CBFB: variants seen among roughly 807,000 people sequenced by gnomAD.
The protein encoded by CBFB is core-binding factor subunit beta.
CBFB carries 9 observed loss-of-function variants against 30.4 expected under a neutral mutation model. That is an observed-to-expected ratio of 0.30 (90% CI 0.18 to 0.52). CBFB has a LOEUF of 0.52. Among genes scored for constraint, CBFB ranks in the 20% least tolerant of loss-of-function variants. CBFB has a pLI of 0.97. For synonymous variants in CBFB, 94 were observed against 84.0 expected (o/e 1.12, Z -0.65); for missense variants, 170 against 244.0 (o/e 0.70, Z 2.02).
At position 67,099,409 on chromosome 16, in the gene CBFB, A is replaced by G. The variant is rs1203412237; in HGVS notation, c.*631A>G. 4.6e-6 allele frequency: 1 copy of G among 217,394 alleles called. No homozygotes were observed. 13.5% of individuals were successfully genotyped at this position (217,394 alleles called of 1,614,324 possible). On this transcript the variant is annotated 3_prime_UTR_variant, in exon 6 of 6. Coordinates refer to ENST00000412916, the MANE Select transcript of CBFB (RefSeq NM_022845.3). ...AGTATCCTTTTAAATGCTAGTAATC[A>G]GCACTCTTTCTTTTTTTTTTTTTTA...
chr16:67,100,059 A>G lies in CBFB; in HGVS notation c.*1281A>G, dbSNP rs758477744. 2 of 212,778 alleles carry G rather than the reference A, an allele frequency of 9.4e-6. No individual in the cohort carries two copies. Among genetic ancestry groups the G allele is most frequent in the Non-Finnish European group, 1.9e-5 (2 of 105,066 alleles). The allele number at this position is 212,778 out of a possible 1,614,324, so 13.2% of individuals were successfully genotyped here. ...ATTTTTTAAATAGGCTTACTGTCAA[A>G]TTGCAACTTTTTTTTTAGATACAGA... is the stretch of plus-strand genomic sequence containing the variant. On this transcript the variant is annotated 3_prime_UTR_variant, in exon 6 of 6. Transcript: ENST00000412916.
At chr16:67,089,073 A>G (rs1489544546) in intron 5 of CBFB, among the ~76,000 whole-genome samples, 1 of 152,232 alleles carries the variant, frequency 6.6e-6, no homozygotes, top group Non-Finnish European at 1.5e-5. Context: ...TTTTTCTGGA[A>G]CAGCCTATTT....
At chr16:67,065,106 C>T (rs537962787) in intron 3 of CBFB, among the ~76,000 whole-genome samples, 1 of 152,218 alleles carries the variant, frequency 6.6e-6, no homozygotes, top group African/African-American at 2.4e-5. Flanking sequence ...GCCATGTTGG[C>T]CAGGCTGGTC....
At chr16:67,030,918 C>T (rs990953339) in intron 2 of CBFB, among the ~76,000 whole-genome samples, 2 of 152,126 alleles carry the variant, frequency 1.3e-5, no homozygotes, top group African/African-American at 4.8e-5. Context: ...AAAGTTGAAG[C>T]ACTGTCTAAT....
intron 3 of CBFB, among the ~76,000 whole-genome samples, chr16:67,039,346 A>G (rs1392889077): frequency 6.6e-6 from 1 of 152,238 alleles, no homozygotes; most frequent in Non-Finnish European, 1.5e-5. Context: ...ATACCTGTAT[A>G]GGGCACTTAC....
At chr16:67,076,547 A>G (rs1234900135) in intron 4 of CBFB, among the ~76,000 whole-genome samples, 1 of 152,232 alleles carries the variant, frequency 6.6e-6, no homozygotes, top group Non-Finnish European at 1.5e-5. Context: ...GGTAATAAAT[A>G]ATAGGAAAGC....
At chr16:67,046,379 G>A (rs1011848897) in intron 3 of CBFB, among the ~76,000 whole-genome samples, 2 of 152,182 alleles carry the variant, frequency 1.3e-5, no homozygotes, top group Admixed American at 6.5e-5. Context: ...GGGATTACAG[G>A]CATGTACCCA....
chr16:67,076,836 T>C (rs983475229), intron 4 of CBFB, among the ~76,000 whole-genome samples: 18 of 152,168 alleles, frequency 1.2e-4, no homozygotes, highest in African/African-American at 4.3e-4. Flanking sequence ...TTGTAGGAAC[T>C]AGGTTGGTTT....
chr16:67,082,473 T>A, intron 5 of CBFB, 165 bp downstream of exon 5: 1 of 676,322 alleles, frequency 1.5e-6, no homozygotes, highest in Non-Finnish European at 2.3e-6. Context: ...GTAATTGCTA[T>A]AAAGAAATTT....
chr16:67,050,539 A>G (rs1312572146), intron 3 of CBFB, among the ~76,000 whole-genome samples: 3 of 152,118 alleles, frequency 2.0e-5, no homozygotes, highest in Non-Finnish European at 4.4e-5. Context: ...TCACAGCTAT[A>G]ATCTCAATGT....
intron 5 of CBFB, among the ~76,000 whole-genome samples, chr16:67,098,094 T>C (rs902870791): frequency 1.3e-5 from 2 of 151,640 alleles, no homozygotes; most frequent in Non-Finnish European, 2.9e-5. Flanking sequence ...AAACTGTAAA[T>C]ATAGATTTGT....
chr16:67,054,872 C>T (rs1353852585), intron 3 of CBFB, among the ~76,000 whole-genome samples: 2 of 152,110 alleles, frequency 1.3e-5, no homozygotes, highest in African/African-American at 4.8e-5. Context: ...CCTGCCTCAG[C>T]CTCCCACGCG....
intron 3 of CBFB, among the ~76,000 whole-genome samples, chr16:67,042,670 A>G (rs1321604510): frequency 6.6e-6 from 1 of 152,204 alleles, no homozygotes; most frequent in African/African-American, 2.4e-5. Context: ...GCCTGTTGGT[A>G]GGTGGCTTCA....
At chr16:67,039,228 G>A (rs955538326) in intron 3 of CBFB, among the ~76,000 whole-genome samples, 35 of 152,116 alleles carry the variant, frequency 2.3e-4, no homozygotes, top group African/African-American at 8.0e-4. Flanking sequence ...GCATGTTACC[G>A]TACTGAATAC....
At chr16:67,049,062 C>A (rs1966689027) in intron 3 of CBFB, among the ~76,000 whole-genome samples, 1 of 151,966 alleles carries the variant, frequency 6.6e-6, no homozygotes, top group East Asian at 1.9e-4. Flanking sequence ...CTCAGGTGAT[C>A]TACCCACCTC....
intron 3 of CBFB, among the ~76,000 whole-genome samples, chr16:67,057,547 CCT>C (rs1334149802): frequency 2.0e-5 from 3 of 152,118 alleles, no homozygotes; most frequent in African/African-American, 7.2e-5. Flanking sequence ...TTACCCTCCC[CCT>C]GACAATGTAA....
intron 3 of CBFB, among the ~76,000 whole-genome samples, chr16:67,043,241 C>G (rs971580640): frequency 1.3e-5 from 2 of 152,194 alleles, no homozygotes; most frequent in Non-Finnish European, 2.9e-5. Flanking sequence ...TACAATAATA[C>G]TCACTTAAAT....
intron 5 of CBFB, among the ~76,000 whole-genome samples, chr16:67,096,704 G>A (rs1315245562): frequency 2.0e-5 from 3 of 151,972 alleles, no homozygotes; most frequent in African/African-American, 7.3e-5. Flanking sequence ...GCCGGGCGCG[G>A]TGGCTCACTC....
chr16:67,064,178 G>A (rs900529220), intron 3 of CBFB, among the ~76,000 whole-genome samples: 1 of 152,114 alleles, frequency 6.6e-6, no homozygotes, highest in Non-Finnish European at 1.5e-5. Context: ...TGTTAAACAA[G>A]GTAGAGAAGA....
Sources: allele counts gnomAD v4.1 joint callset (sites outside exome capture counted in the v4.1 genomes callset), GRCh38; gene constraint gnomAD v4.1.1; transcripts MANE v1.5; gene names NCBI Gene and HGNC (gene_info 2026-07-23, HGNC 2026-07-21).